Variants in ARHGAP6 observed in about 807,000 individuals in gnomAD.
ARHGAP6 encodes rho GTPase-activating protein 6.
ARHGAP6 carries 16 observed loss-of-function variants against 55.7 expected under a neutral mutation model. The ratio of observed to expected loss-of-function variants is 0.29; its 90% CI spans 0.19 to 0.44. The LOEUF is 0.44. ARHGAP6 is among the 20% of genes least tolerant of loss of function. The pLI, the probability that ARHGAP6 is intolerant of heterozygous loss-of-function variation, is 1.00. For synonymous variants in ARHGAP6, 382 were observed against 360.9 expected (o/e 1.06, Z -0.66); for missense variants, 698 against 808.9 (o/e 0.86, Z 1.66).
intron 1 of ARHGAP6, among the ~76,000 whole-genome samples, chrX:11,651,750 C>G (rs1026097337): frequency 1.2e-4 from 13 of 111,922 alleles, no homozygotes; most frequent in Non-Finnish European, 2.3e-4. Context: ...TTTACACTCC[C>G]ACCAGCAGTG....
intron 1 of ARHGAP6, among the ~76,000 whole-genome samples, chrX:11,322,306 G>A (rs983703855): frequency 1.9e-4 from 21 of 111,182 alleles, no homozygotes; most frequent in African/African-American, 6.2e-4. Context: ...CCAGACATTG[G>A]CAAATGTGTC....
At chrX:11,462,160 G>A (rs759601451) in intron 1 of ARHGAP6, among the ~76,000 whole-genome samples, 4 of 111,848 alleles carry the variant, frequency 3.6e-5, no homozygotes, top group East Asian at 2.8e-4. Flanking sequence ...TTTAATGCAC[G>A]GTAGGCTGCA....
At chrX:11,350,955 A>T (rs2048856507) in intron 1 of ARHGAP6, among the ~76,000 whole-genome samples, 1 of 110,836 alleles carries the variant, frequency 9.0e-6, no homozygotes, top group African/African-American at 3.3e-5. Context: ...TTATTAGTGA[A>T]AAAGACTTCC....
intron 2 of ARHGAP6, among the ~76,000 whole-genome samples, chrX:11,237,260 A>C (rs2047216012): frequency 1.8e-5 from 2 of 112,502 alleles, no homozygotes; most frequent in Non-Finnish European, 3.8e-5. Context: ...GCTGGGGACA[A>C]AGACCTCCTC....
chrX:11,192,505 A>G (rs1390434089), intron 3 of ARHGAP6, among the ~76,000 whole-genome samples: 1 of 111,838 alleles, frequency 8.9e-6, no homozygotes, highest in East Asian at 2.8e-4. Flanking sequence ...CTAGCACTCA[A>G]TGACAACATT....
intron 1 of ARHGAP6, among the ~76,000 whole-genome samples, chrX:11,349,069 T>C (rs777910091): frequency 3.7e-5 from 4 of 108,058 alleles, no homozygotes; most frequent in Admixed American, 2.0e-4. Context: ...GGTATAATAG[T>C]GATAACAATG....
chrX:11,379,329 C>T (rs765515246), intron 1 of ARHGAP6, among the ~76,000 whole-genome samples: 1 of 112,264 alleles, frequency 8.9e-6, no homozygotes, highest in African/African-American at 3.2e-5. Context: ...AGGGCACTGT[C>T]ATGTTACCTA....
At chrX:11,287,848 T>C (rs1011953921) in intron 1 of ARHGAP6, among the ~76,000 whole-genome samples, 6 of 112,362 alleles carry the variant, frequency 5.3e-5, no homozygotes, top group Admixed American at 2.8e-4. Flanking sequence ...CTACATTTAA[T>C]TGCTAAGATC....
chrX:11,542,782 A>G lies in ARHGAP6; in HGVS notation c.588+121459T>C, dbSNP rs139245169. On this transcript the variant is annotated intron_variant, in intron 1 of 12. Coordinates refer to ENST00000337414, the MANE Select transcript of ARHGAP6 (RefSeq NM_013427.3). ...TCCCTCTCACTTCCACCCCAAGAAC[A>G]CACAATCTGTCACATCTTGGATGTG... Among the ~76,000 whole-genome samples the G allele has an allele frequency of 6.3e-5, 7 of 111,956 alleles. No homozygotes were observed. In the East Asian group the frequency reaches 1.7e-3, roughly 27 times the overall value.
chrX:11,420,844 T>G (rs1275983694), intron 1 of ARHGAP6, among the ~76,000 whole-genome samples: 2 of 112,024 alleles, frequency 1.8e-5, no homozygotes, highest in South Asian at 7.6e-4. Context: ...AGATTATAAC[T>G]TCTAATTTTA....
At chrX:11,613,711 T>C (rs898324439) in intron 1 of ARHGAP6, among the ~76,000 whole-genome samples, 4 of 112,174 alleles carry the variant, frequency 3.6e-5, no homozygotes, top group Non-Finnish European at 5.6e-5. Context: ...TCTGGCAATG[T>C]AGTTTGTGAC....
At chrX:11,323,602 C>G (rs528203392) in intron 1 of ARHGAP6, among the ~76,000 whole-genome samples, 1 of 111,870 alleles carries the variant, frequency 8.9e-6, no homozygotes, top group Non-Finnish European at 1.9e-5. Context: ...TGGTGGCTCA[C>G]GCCTGTAATC....
At chrX:11,564,012 T>C (rs1216528369) in intron 1 of ARHGAP6, among the ~76,000 whole-genome samples, 1 of 111,532 alleles carries the variant, frequency 9.0e-6, no homozygotes, top group Non-Finnish European at 1.9e-5. Flanking sequence ...AAACATTTTG[T>C]TGACATGTTA....
chrX:11,565,427 C>A (rs1334843489), intron 1 of ARHGAP6, among the ~76,000 whole-genome samples: 1 of 112,291 alleles, frequency 8.9e-6, no homozygotes, highest in Non-Finnish European at 1.9e-5. Flanking sequence ...TGGATCCCAG[C>A]AGCTAGAAGT....
At chrX:11,344,167 A>C (rs925699346) in intron 1 of ARHGAP6, among the ~76,000 whole-genome samples, 1 of 111,692 alleles carries the variant, frequency 9.0e-6, no homozygotes, top group Non-Finnish European at 1.9e-5. Flanking sequence ...CTTTGGGGCC[A>C]GATAATTCTA....
At chrX:11,315,604 C>T (rs1382212072) in intron 1 of ARHGAP6, among the ~76,000 whole-genome samples, 2 of 111,682 alleles carry the variant, frequency 1.8e-5, no homozygotes, top group African/African-American at 6.5e-5. Context: ...TGTTTTTTCT[C>T]TTTTAGGGAA....
intron 1 of ARHGAP6, among the ~76,000 whole-genome samples, chrX:11,358,490 T>G (rs1183974785): frequency 9.6e-6 from 1 of 103,775 alleles, no homozygotes; most frequent in Admixed American, 1.1e-4. Flanking sequence ...TCTTTCTTTT[T>G]TTTTTTTTGA....
rs1480930655 is a variant in ARHGAP6, at chrX:11,299,780, T to C, written c.589-45073A>G. ...TACTGAGAAGAAGAGAGAAGTGAGG[T>C]GGAAATGACCAGGATAAGAAGCCAG... On this transcript the variant is annotated intron_variant, in intron 1 of 12. Coordinates refer to ENST00000337414, the MANE Select transcript of ARHGAP6 (RefSeq NM_013427.3). 5.4e-5 allele frequency among the ~76,000 whole-genome samples: 6 copies of C among 111,562 alleles called. No homozygotes were observed. The Admixed American group carries it at 5.7e-4, about 11-fold the overall frequency.
At chrX:11,422,681 G>A (rs1358561143) in intron 1 of ARHGAP6, among the ~76,000 whole-genome samples, 1 of 112,328 alleles carries the variant, frequency 8.9e-6, no homozygotes, top group Non-Finnish European at 1.9e-5. Flanking sequence ...ACCAAGTTGA[G>A]AGTCATGTGT....
Sources: allele counts gnomAD v4.1 joint callset (sites outside exome capture counted in the v4.1 genomes callset), GRCh38; gene constraint gnomAD v4.1.1; transcripts MANE v1.5; gene names NCBI Gene and HGNC (gene_info 2026-07-23, HGNC 2026-07-21).